The following GRIK1 variants were observed in gnomAD, a reference collection of about 807,000 sequenced individuals.
GRIK1 encodes glutamate receptor ionotropic, kainate 1.
In GRIK1, 69 loss-of-function variants were observed where a neutral mutation model predicts 105.7. The ratio of observed to expected loss-of-function variants is 0.65; its 90% CI spans 0.54 to 0.80. GRIK1 has a LOEUF of 0.80. GRIK1 is among the 30% of genes least tolerant of loss of function. The pLI, the probability that GRIK1 is intolerant of heterozygous loss-of-function variation, is 0.00. For missense variants in GRIK1, 1,109 were observed against 1,167.3 expected, an observed-to-expected ratio of 0.95 and a Z score of 0.73; for synonymous variants, 438 against 431.3, an observed-to-expected ratio of 1.02 and a Z score of -0.19.
intron 1 of GRIK1, among the ~76,000 whole-genome samples, chr21:29,865,142 A>G (rs1214383242): frequency 6.6e-6 from 1 of 152,156 alleles, no homozygotes; most frequent in Non-Finnish European, 1.5e-5. Context: ...ACAAAGCAGA[A>G]TTTTCTGAAC....
intron 1 of GRIK1, among the ~76,000 whole-genome samples, chr21:29,910,557 A>G (rs139763840): frequency 3.7e-3 from 570 of 152,276 alleles, no homozygotes; most frequent in African/African-American, 0.011. Context: ...TGTGTAATAC[A>G]GCAAATTCAA....
At chr21:29,742,396 T>A (rs986322258) in intron 1 of GRIK1, among the ~76,000 whole-genome samples, 6 of 152,168 alleles carry the variant, frequency 3.9e-5, no homozygotes, top group Admixed American at 3.9e-4. Flanking sequence ...AGTGAGCAGA[T>A]CCTTCAAGTA....
intron 1 of GRIK1, among the ~76,000 whole-genome samples, chr21:29,766,628 A>G (rs1411736924): frequency 6.6e-6 from 1 of 152,222 alleles, no homozygotes; most frequent in Non-Finnish European, 1.5e-5. Context: ...TAGCATTGCT[A>G]GAGTAAATAG....
At chr21:29,597,817 T>C (rs2061444569) in intron 8 of GRIK1, 1 of 178,328 alleles carries the variant, frequency 5.6e-6, no homozygotes, top group African/African-American at 2.4e-5. Flanking sequence ...TTTCCATTAA[T>C]GTTTTTTTGA....
intron 1 of GRIK1, among the ~76,000 whole-genome samples, chr21:29,736,410 G>T (rs1460727885): frequency 6.6e-6 from 1 of 151,834 alleles, no homozygotes; most frequent in South Asian, 2.1e-4. Flanking sequence ...TTTTATATTT[G>T]TAGAGACAAG....
At chr21:29,887,575 G>A (rs2146205688) in intron 1 of GRIK1, among the ~76,000 whole-genome samples, 1 of 152,168 alleles carries the variant, frequency 6.6e-6, no homozygotes, top group East Asian at 1.9e-4. Flanking sequence ...ATAACCACCA[G>A]GTGTCTTGTA....
At chr21:29,630,724 AT>A (rs2062248403) in intron 7 of GRIK1, 1 of 384,032 alleles carries the variant, frequency 2.6e-6, no homozygotes, top group South Asian at 2.0e-5. Context: ...AACTGAGATA[AT>A]AAATGATTGT....
Position 29,594,291 on chromosome 21 carries a change from C to T in GRIK1, c.1251+2235G>A, listed in dbSNP as rs1227435159. Among the ~76,000 whole-genome samples the T allele has an allele frequency of 2.0e-5, 3 of 152,106 alleles. No individual in the cohort carries two copies. The South Asian group carries it at 6.2e-4, about 31-fold the overall frequency. On this transcript the variant is annotated intron_variant, in intron 9 of 17. Transcript: ENST00000327783. ...GTTACTTGAAGTAAATGAATATGTT[C>T]TCAGGAAATGAATGTCTCCCTTTAA...
chr21:29,884,248 A>G (rs1197844045), intron 1 of GRIK1, among the ~76,000 whole-genome samples: 1 of 152,060 alleles, frequency 6.6e-6, no homozygotes, highest in Non-Finnish European at 1.5e-5. Flanking sequence ...AGATGCCAAG[A>G]TATGGTCTAA....
intron 1 of GRIK1, among the ~76,000 whole-genome samples, chr21:29,929,523 A>T (rs1452462192): frequency 6.6e-6 from 1 of 152,198 alleles, no homozygotes; most frequent in Non-Finnish European, 1.5e-5. Context: ...ACCATACACT[A>T]TGGTCTATAT....
intron 1 of GRIK1, among the ~76,000 whole-genome samples, chr21:29,725,642 C>A (rs562111622): frequency 6.6e-6 from 1 of 152,284 alleles, no homozygotes; most frequent in Non-Finnish European, 1.5e-5. Flanking sequence ...TCGGAAACTT[C>A]ATTTAAACGT....
At chr21:29,560,994 C>T (rs942976492) in intron 15 of GRIK1, among the ~76,000 whole-genome samples, 3 of 152,122 alleles carry the variant, frequency 2.0e-5, no homozygotes, top group African/African-American at 7.2e-5. Flanking sequence ...TTCATGTCTC[C>T]TATAGACGTA....
intron 1 of GRIK1, chr21:29,861,787 C>G: frequency 2.9e-6 from 1 of 340,858 alleles, no homozygotes; most frequent in Non-Finnish European, 5.8e-6. Context: ...AATCTTGAAC[C>G]AGCCTTAAAT....
chr21:29,923,817 AAG>A (rs1039120200), intron 1 of GRIK1, among the ~76,000 whole-genome samples: 63 of 152,288 alleles, frequency 4.1e-4, no homozygotes, highest in African/African-American at 1.4e-3. Flanking sequence ...AGGCTTTTCT[AAG>A]AGGAGATGAT....
At chr21:29,846,792 T>C (rs982886276) in intron 1 of GRIK1, among the ~76,000 whole-genome samples, 10 of 152,224 alleles carry the variant, frequency 6.6e-5, no homozygotes, top group Non-Finnish European at 1.5e-4. Flanking sequence ...TTATAGTTTT[T>C]GGTTTCAAGT....
At chr21:29,864,126 C>T (rs2068731286) in intron 1 of GRIK1, among the ~76,000 whole-genome samples, 1 of 151,638 alleles carries the variant, frequency 6.6e-6, no homozygotes, top group Non-Finnish European at 1.5e-5. Flanking sequence ...AGACAAGATG[C>T]CTTGGAGGTA....
At chr21:29,882,787 A>G (rs1461736674) in intron 1 of GRIK1, among the ~76,000 whole-genome samples, 1 of 152,106 alleles carries the variant, frequency 6.6e-6, no homozygotes, top group East Asian at 1.9e-4. Context: ...TTCTCCACAC[A>G]TGAAATTCTT....
chr21:29,821,057 T>TA (rs11369503), intron 1 of GRIK1, among the ~76,000 whole-genome samples: 53,647 of 141,354 alleles, frequency 0.38, 10,660 homozygotes, highest in Non-Finnish European at 0.49. Flanking sequence ...CAACACACAG[T>TA]AAAAAAAAAA....
chr21:29,589,268 T>C (rs1005937547), intron 10 of GRIK1, among the ~76,000 whole-genome samples: 2 of 152,116 alleles, frequency 1.3e-5, no homozygotes, highest in Admixed American at 6.6e-5. Flanking sequence ...CCTTCCGCTG[T>C]GGAGGGTGGG....
Sources: allele counts gnomAD v4.1 joint callset (sites outside exome capture counted in the v4.1 genomes callset), GRCh38; gene constraint gnomAD v4.1.1; transcripts MANE v1.5; gene names NCBI Gene and HGNC (gene_info 2026-07-23, HGNC 2026-07-21).